The following P3H2 variants were observed in gnomAD, a reference collection of about 807,000 sequenced individuals.
P3H2 encodes prolyl 3-hydroxylase 2, also known as leprecan-like 1.
P3H2 carries 80 observed loss-of-function variants against 87.0 expected under a neutral mutation model. That is an observed-to-expected ratio of 0.92 (90% CI 0.77 to 1.11). The LOEUF (loss-of-function observed/expected upper bound fraction) is 1.11. Ranked by LOEUF, P3H2 falls within the 50% of genes least tolerant of loss-of-function variation. P3H2 has a pLI of 0.00. For synonymous variants in P3H2, 367 were observed against 359.3 expected (o/e 1.02, Z -0.24); for missense variants, 1,001 against 923.9 (o/e 1.08, Z -1.08).
At chr3:190,110,488 T>C (rs1368059676) in intron 1 of P3H2, among the ~76,000 whole-genome samples, 2 of 152,240 alleles carry the variant, frequency 1.3e-5, no homozygotes, top group African/African-American at 4.8e-5. Flanking sequence ...AATGATTGAC[T>C]GTGAAAGTCT....
At chr3:190,053,450 G>GTT (rs1282152069) in intron 1 of P3H2, among the ~76,000 whole-genome samples, 1,310 of 128,826 alleles carry the variant, frequency 0.01, 24 homozygotes, top group African/African-American at 0.029. Context: ...AAATAAAGTG[G>GTT]TTTTTTTTTT....
intron 1 of P3H2, among the ~76,000 whole-genome samples, chr3:190,069,036 C>G (rs1291616442): frequency 6.6e-6 from 1 of 152,160 alleles, no homozygotes; most frequent in African/African-American, 2.4e-5. Flanking sequence ...TCAGTATTTT[C>G]ACAGGCGGCA....
chr3:189,963,967 A>G lies in P3H2; in HGVS notation c.2025T>C (p.Tyr675=), dbSNP rs578158144. Residue 675 remains tyrosine, a synonymous_variant, in exon 14 of 15, where the codon TAT becomes TAC. Transcript: ENST00000319332. ...CGGGTGAGAAACTCACCAATTCTCTATAAAGTGGGTCCAAGGTGAACCACA... is the reference window on the plus strand; with the variant it reads ...CGGGTGAGAAACTCACCAATTCTCTGTAAAGTGGGTCCAAGGTGAACCACA... ...VALWFTLDPL[Y]RELERIQADE... 6.2e-6 allele frequency: 10 copies of G among 1,614,176 alleles called. No homozygotes were observed. The highest frequency in any genetic ancestry group is 8.5e-6 in the Non-Finnish European group (10 of 1,180,026).
chr3:190,025,025 C>A (rs760974063), intron 1 of P3H2, among the ~76,000 whole-genome samples: 13 of 152,158 alleles, frequency 8.5e-5, no homozygotes, highest in Admixed American at 2.0e-4. Flanking sequence ...CTTAAAGGAA[C>A]TATACAAGTG....
chr3:190,115,762 A>C (rs1245371366), intron 1 of P3H2, among the ~76,000 whole-genome samples: 4 of 152,164 alleles, frequency 2.6e-5, no homozygotes, highest in Non-Finnish European at 5.9e-5. Flanking sequence ...CACCATGCAG[A>C]AATCTTCCTC....
At chr3:190,028,386 G>T (rs902457357) in intron 1 of P3H2, among the ~76,000 whole-genome samples, 3 of 152,154 alleles carry the variant, frequency 2.0e-5, no homozygotes, top group African/African-American at 4.8e-5. Flanking sequence ...CTTAGTGAAG[G>T]TCGGGACTGG....
At chr3:190,032,596 A>T (rs1715837269) in intron 1 of P3H2, among the ~76,000 whole-genome samples, 1 of 152,230 alleles carries the variant, frequency 6.6e-6, no homozygotes, top group Non-Finnish European at 1.5e-5. Context: ...CTCAAAACCC[A>T]TGAGAACATT....
In P3H2 at chr3:190,120,845, C is replaced by G; in HGVS notation, c.-114G>C. The G allele has an allele frequency of 3.5e-6, 5 of 1,427,584 alleles. No individual in the cohort carries two copies. Among genetic ancestry groups the G allele is most frequent in the Non-Finnish European group, 4.6e-6 (5 of 1,089,788 alleles). The allele number at this position is 1,427,584 out of a possible 1,614,324, so 88.4% of individuals were successfully genotyped here. On this transcript the variant is annotated 5_prime_UTR_variant, in exon 1 of 15. Coordinates refer to ENST00000319332, the MANE Select transcript of P3H2 (RefSeq NM_018192.4). ...GGAAGCGCGCCGACTCCGCCGCGAT[C>G]TGGCCGCTCCGCGAGCCCCAGGTGA...
chr3:190,094,547 A>G (rs542358126), intron 1 of P3H2, among the ~76,000 whole-genome samples: 34 of 152,148 alleles, frequency 2.2e-4, no homozygotes, highest in Non-Finnish European at 3.7e-4. Flanking sequence ...GAACCCAGGC[A>G]CAGCTCCATA....
At chr3:190,048,405 G>C (rs891911262) in intron 1 of P3H2, among the ~76,000 whole-genome samples, 1 of 152,154 alleles carries the variant, frequency 6.6e-6, no homozygotes, top group African/African-American at 2.4e-5. Context: ...GCTGAGGCAT[G>C]AGAATCGCTT....
At chr3:190,041,727 C>A (rs1725642758) in intron 1 of P3H2, among the ~76,000 whole-genome samples, 2 of 152,042 alleles carry the variant, frequency 1.3e-5, no homozygotes, top group African/African-American at 4.8e-5. Flanking sequence ...TTCTCAAGTA[C>A]CAGGAAAGAG....
chr3:189,962,480 C>T (rs1297357500), intron 14 of P3H2, among the ~76,000 whole-genome samples: 1 of 152,100 alleles, frequency 6.6e-6, no homozygotes, highest in Non-Finnish European at 1.5e-5. Flanking sequence ...CAGCCAGGGC[C>T]ATTTTTTCTA....
At chr3:190,068,214 G>C (rs1451033956) in intron 1 of P3H2, among the ~76,000 whole-genome samples, 1 of 152,026 alleles carries the variant, frequency 6.6e-6, no homozygotes, top group Non-Finnish European at 1.5e-5. Context: ...TACATTGTTA[G>C]CAAACATTTG....
In P3H2 at chr3:189,995,584, T is replaced by G. The variant is rs1577261759; in HGVS notation, c.481-142A>C. Reference sequence around the variant, plus strand: ...TTTTTTTTTTTTATCAGACAGGCAATAAAAACAAAATAAATGGGATTATAA... The same window carrying G: ...TTTTTTTTTTTTATCAGACAGGCAAGAAAAACAAAATAAATGGGATTATAA... On this transcript the variant is annotated intron_variant, in intron 1 of 14. Transcript: ENST00000319332. 4 of 821,818 alleles carry G rather than the reference T, an allele frequency of 4.9e-6. No individual in the cohort carries two copies. The South Asian group carries it at 4.9e-5, about 10-fold the overall frequency. 50.9% of individuals were successfully genotyped at this position (821,818 alleles called of 1,614,324 possible).
chr3:190,067,007 C>CTTTTTTTTTTTTTTT (rs759812431), intron 1 of P3H2, among the ~76,000 whole-genome samples: 3 of 145,108 alleles, frequency 2.1e-5, no homozygotes, highest in African/African-American at 8.0e-5. Flanking sequence ...TTTTAATTTT[C>CTTTTTTTTTTTTTTT]TTTCTTTTTT....
intron 1 of P3H2, among the ~76,000 whole-genome samples, chr3:190,006,258 A>G (rs1419893682): frequency 1.3e-5 from 2 of 152,254 alleles, no homozygotes; most frequent in Non-Finnish European, 1.5e-5. Context: ...AGGGCTGGAT[A>G]GACTATTTAT....
chr3:189,997,590 T>C (rs1724089269), intron 1 of P3H2, among the ~76,000 whole-genome samples: 1 of 152,174 alleles, frequency 6.6e-6, no homozygotes, highest in African/African-American at 2.4e-5. Flanking sequence ...AAACATAAAC[T>C]GCCCTGTTTT....
chr3:190,058,847 AG>A (rs1192611044), intron 1 of P3H2, among the ~76,000 whole-genome samples: 1 of 152,194 alleles, frequency 6.6e-6, no homozygotes, highest in African/African-American at 2.4e-5. Context: ...ACTAAACAAA[AG>A]CCAGATTTAG....
At chr3:190,089,947 G>C (rs962666826) in intron 1 of P3H2, among the ~76,000 whole-genome samples, 4 of 152,078 alleles carry the variant, frequency 2.6e-5, no homozygotes, top group Non-Finnish European at 5.9e-5. Flanking sequence ...ACGTTTGTTG[G>C]GGAGGCTTCC....
Sources: allele counts gnomAD v4.1 joint callset (sites outside exome capture counted in the v4.1 genomes callset), GRCh38; gene constraint gnomAD v4.1.1; transcripts MANE v1.5; gene names NCBI Gene and HGNC (gene_info 2026-07-23, HGNC 2026-07-21).